The following CLVS1 variants were observed in gnomAD, a reference collection of about 807,000 sequenced individuals.
The protein encoded by CLVS1 is clavesin 1.
CLVS1 carries 10 observed loss-of-function variants against 33.1 expected under a neutral mutation model. That is an observed-to-expected ratio of 0.30 (90% CI 0.19 to 0.51). CLVS1 has a LOEUF of 0.51. Among genes scored for constraint, CLVS1 ranks in the 20% least tolerant of loss-of-function variants. CLVS1 has a pLI of 0.97. For synonymous variants in CLVS1, 163 were observed against 166.1 expected (o/e 0.98, Z 0.14); for missense variants, 343 against 433.4 (o/e 0.79, Z 1.85).
chr8:61,062,564 G>T (rs992088200), intron 1 of CLVS1, among the ~76,000 whole-genome samples: 1 of 152,152 alleles, frequency 6.6e-6, no homozygotes, highest in African/African-American at 2.4e-5. Context: ...TGTTTTCATT[G>T]AGGGCTTGCT....
chr8:61,051,857 G>T, the CLVS1 span, among the ~76,000 whole-genome samples: 1 of 152,210 alleles, frequency 6.6e-6, no homozygotes, highest in Non-Finnish European at 1.5e-5. Context: ...GCTGGGCCCT[G>T]CCCAGCCACC....
chr8:61,486,607 G>T (rs1285578353), intron 5 of CLVS1, among the ~76,000 whole-genome samples: 1 of 152,180 alleles, frequency 6.6e-6, no homozygotes, highest in Admixed American at 6.5e-5. Context: ...GAAAATGGAG[G>T]AGTTGAGGAG....
chr8:61,072,001 G>A (rs756098243), intron 1 of CLVS1, among the ~76,000 whole-genome samples: 1 of 152,222 alleles, frequency 6.6e-6, no homozygotes, highest in Non-Finnish European at 1.5e-5. Flanking sequence ...ACATCAAAGT[G>A]TCAAGGGAGG....
chr8:61,331,789 G>T (rs943265785), intron 2 of CLVS1, among the ~76,000 whole-genome samples: 1 of 148,832 alleles, frequency 6.7e-6, no homozygotes, highest in Non-Finnish European at 1.5e-5. Flanking sequence ...ATTTCCTCCA[G>T]CTTCTTCTTC....
the CLVS1 span, among the ~76,000 whole-genome samples, chr8:61,006,519 C>T: frequency 2.8e-4 from 43 of 152,258 alleles, 1 homozygote; most frequent in South Asian, 4.1e-4. Context: ...AGGTGACCCA[C>T]GACACAGTGG....
chr8:61,301,144 A>G (rs1376851401), intron 2 of CLVS1: 1 of 152,166 alleles, frequency 6.6e-6, no homozygotes, highest in African/African-American at 2.4e-5. Flanking sequence ...AAGTTCTTCA[A>G]TGACCTGCAA....
chr8:61,411,714 C>A (rs1815232547), intron 3 of CLVS1, among the ~76,000 whole-genome samples: 1 of 152,178 alleles, frequency 6.6e-6, no homozygotes, highest in South Asian at 2.1e-4. Context: ...ACTGGATGAG[C>A]CCTGGCCTTT....
intron 1 of CLVS1, among the ~76,000 whole-genome samples, chr8:61,061,160 C>T (rs888628103): frequency 6.6e-6 from 1 of 152,128 alleles, no homozygotes. Flanking sequence ...ACAGTGATCA[C>T]AAAGTGACAG....
intron 2 of CLVS1, among the ~76,000 whole-genome samples, chr8:61,331,789 G>GCTT (rs145812233): frequency 0.41 from 60,629 of 148,250 alleles, 13,967 homozygotes; most frequent in East Asian, 0.64. Context: ...ATTTCCTCCA[G>GCTT]CTTCTTCTTC....
At chr8:61,277,518 A>G (rs947617391) in intron 2 of CLVS1, among the ~76,000 whole-genome samples, 2 of 152,182 alleles carry the variant, frequency 1.3e-5, no homozygotes, top group Non-Finnish European at 2.9e-5. Flanking sequence ...ATGGGTGAGT[A>G]TAGGGGAGGC....
At chr8:61,257,898 A>C (rs1239553870) in intron 2 of CLVS1, among the ~76,000 whole-genome samples, 1 of 152,186 alleles carries the variant, frequency 6.6e-6, no homozygotes, top group East Asian at 1.9e-4. Context: ...CTTGCTATGC[A>C]TTGCTAGTTT....
At chr8:61,478,142 A>T (rs1818027287) in intron 5 of CLVS1, among the ~76,000 whole-genome samples, 1 of 152,174 alleles carries the variant, frequency 6.6e-6, no homozygotes, top group Non-Finnish European at 1.5e-5. Flanking sequence ...TGAGTTTCTT[A>T]ATCCTGAGTT....
chr8:61,185,112 C>A (rs571272513), intron 2 of CLVS1, among the ~76,000 whole-genome samples: 12 of 150,710 alleles, frequency 8.0e-5, no homozygotes, highest in Non-Finnish European at 1.2e-4. Context: ...TGGTATATAA[C>A]AATTATGCTT....
the CLVS1 span, among the ~76,000 whole-genome samples, chr8:61,012,943 AGTCACAGAGGGT>A: frequency 6.6e-6 from 1 of 152,196 alleles, no homozygotes; most frequent in Non-Finnish European, 1.5e-5. Flanking sequence ...TGTAAACTGC[AGTCACAGAGGGT>A]GGCACTTCCT....
chr8:61,107,157 A>G (rs1250298223), intron 1 of CLVS1, among the ~76,000 whole-genome samples: 1 of 152,310 alleles, frequency 6.6e-6, no homozygotes, highest in African/African-American at 2.4e-5. Context: ...ACAATTTGAA[A>G]CTATAAGGAT....
At chr8:61,105,726 A>C (rs1345289338) in intron 1 of CLVS1, among the ~76,000 whole-genome samples, 1 of 152,170 alleles carries the variant, frequency 6.6e-6, no homozygotes, top group East Asian at 1.9e-4. Flanking sequence ...ATAGGACATT[A>C]AAAGTGCAAT....
chr8:60,986,033 T>C, the CLVS1 span, among the ~76,000 whole-genome samples: 7 of 152,336 alleles, frequency 4.6e-5, no homozygotes, highest in African/African-American at 1.4e-4. Flanking sequence ...CACATTCATC[T>C]CAGTTTGATA....
intron 2 of CLVS1, among the ~76,000 whole-genome samples, chr8:61,194,231 C>T (rs1395350429): frequency 1.3e-5 from 2 of 151,968 alleles, no homozygotes; most frequent in East Asian, 3.9e-4. Flanking sequence ...ATGTAAATGA[C>T]TAGATGCTCC....
chr8:60,969,431 G>A, the CLVS1 span, among the ~76,000 whole-genome samples: 21 of 152,062 alleles, frequency 1.4e-4, no homozygotes, highest in African/African-American at 5.1e-4. Flanking sequence ...TTTCCAATTC[G>A]GTATCTTACT....
Sources: gnomAD v4.1 joint callset for allele counts (sites outside exome capture counted in the v4.1 genomes callset) on GRCh38, gnomAD v4.1.1 for gene constraint, MANE v1.5 for transcripts, NCBI Gene and HGNC (gene_info 2026-07-23, HGNC 2026-07-21) for gene names.